Variants in MDGA2 observed in about 807,000 individuals in gnomAD.
The protein encoded by MDGA2 is MAM domain-containing glycosylphosphatidylinositol anchor protein 2.
MDGA2 carries 40 observed loss-of-function variants against 117.8 expected under a neutral mutation model. The ratio of observed to expected loss-of-function variants is 0.34; its 90% CI spans 0.26 to 0.44. MDGA2 has a LOEUF of 0.44. MDGA2 is among the 20% of genes least tolerant of loss of function. The pLI, the probability that MDGA2 is intolerant of heterozygous loss-of-function variation, is 1.00. For synonymous variants in MDGA2, 452 were observed against 439.0 expected, an observed-to-expected ratio of 1.03 and a Z score of -0.37; for missense variants, 1,123 against 1,250.6, an observed-to-expected ratio of 0.90 and a Z score of 1.54.
intron 1 of MDGA2, among the ~76,000 whole-genome samples, chr14:47,586,164 C>T (rs1896321301): frequency 6.6e-6 from 1 of 151,946 alleles, no homozygotes. Context: ...TTCAATGATT[C>T]ATTTTAATTG....
intron 1 of MDGA2, among the ~76,000 whole-genome samples, chr14:47,573,749 A>G (rs1896063530): frequency 6.6e-6 from 1 of 152,214 alleles, no homozygotes; most frequent in Non-Finnish European, 1.5e-5. Context: ...AAAATCAGCT[A>G]AAAGCATATG....
intron 1 of MDGA2, among the ~76,000 whole-genome samples, chr14:47,651,784 G>A (rs1411998217): frequency 6.6e-6 from 1 of 152,118 alleles, no homozygotes; most frequent in Non-Finnish European, 1.5e-5. Flanking sequence ...CCAAATAAAG[G>A]TGACGATCTG....
intron 6 of MDGA2, among the ~76,000 whole-genome samples, chr14:47,067,113 C>T (rs1050780169): frequency 3.1e-4 from 47 of 152,142 alleles, no homozygotes; most frequent in African/African-American, 1.0e-3. Context: ...AAAACTCCAC[C>T]ACAAACAAAG....
chr14:46,931,043 C>T (rs1310909740), intron 9 of MDGA2, among the ~76,000 whole-genome samples: 68 of 151,698 alleles, frequency 4.5e-4, no homozygotes, highest in Admixed American at 3.4e-3. Flanking sequence ...GGTGAAACAT[C>T]GTCTCTACTA....
chr14:47,498,650 G>A (rs1894332881), intron 1 of MDGA2, among the ~76,000 whole-genome samples: 1 of 151,912 alleles, frequency 6.6e-6, no homozygotes, highest in Non-Finnish European at 1.5e-5. Flanking sequence ...AAAAAATAAT[G>A]GCATTACTTA....
chr14:47,261,790 G>T (rs566255556), intron 2 of MDGA2, among the ~76,000 whole-genome samples: 1 of 152,116 alleles, frequency 6.6e-6, no homozygotes, highest in African/African-American at 2.4e-5. Context: ...CTTGTCTTAT[G>T]AGCCCACCTG....
intron 8 of MDGA2, among the ~76,000 whole-genome samples, chr14:46,987,971 A>G (rs987639651): frequency 2.0e-5 from 3 of 151,644 alleles, no homozygotes; most frequent in Non-Finnish European, 4.4e-5. Flanking sequence ...TTTGCTGTAG[A>G]AGTATGTTAC....
At chr14:47,180,502 A>G (rs1884655766) in intron 3 of MDGA2, among the ~76,000 whole-genome samples, 1 of 152,172 alleles carries the variant, frequency 6.6e-6, no homozygotes, top group South Asian at 2.1e-4. Flanking sequence ...CAAATTTGCA[A>G]GGAAAAACCC....
At chr14:47,101,799 C>T (rs1880339646) in intron 5 of MDGA2, among the ~76,000 whole-genome samples, 1 of 152,014 alleles carries the variant, frequency 6.6e-6, no homozygotes, top group Admixed American at 6.6e-5. Flanking sequence ...GAGGTTATGG[C>T]AGAATAAAGA....
intron 5 of MDGA2, among the ~76,000 whole-genome samples, chr14:47,119,051 TC>T (rs1424846612): frequency 1.9e-5 from 2 of 106,200 alleles, no homozygotes; most frequent in African/African-American, 7.3e-5. Context: ...CTACATATTC[TC>T]TTTTTTTTTT....
intron 1 of MDGA2, among the ~76,000 whole-genome samples, chr14:47,436,380 A>G (rs564864384): frequency 6.6e-6 from 1 of 152,240 alleles, no homozygotes; most frequent in East Asian, 1.9e-4. Flanking sequence ...TGTTACATGT[A>G]GCTAGTCTTT....
chr14:47,631,920 AT>A (rs1364547320), intron 1 of MDGA2, among the ~76,000 whole-genome samples: 3 of 145,010 alleles, frequency 2.1e-5, no homozygotes, highest in East Asian at 1.9e-4. Context: ...ACATTACGAG[AT>A]TTTTTTAAGT....
At chr14:47,590,070 T>TTG (rs538777324) in intron 1 of MDGA2, among the ~76,000 whole-genome samples, 1 of 151,350 alleles carries the variant, frequency 6.6e-6, no homozygotes. Flanking sequence ...GTGTGTGTAT[T>TTG]TGTGTGTGTG....
intron 8 of MDGA2, among the ~76,000 whole-genome samples, chr14:46,960,953 C>CAT (rs1885784444): frequency 1.2e-5 from 1 of 86,540 alleles, no homozygotes; most frequent in African/African-American, 5.7e-5. Flanking sequence ...TATATATACA[C>CAT]ACACACACAC....
intron 1 of MDGA2, among the ~76,000 whole-genome samples, chr14:47,468,266 T>C: frequency 6.6e-6 from 1 of 152,170 alleles, no homozygotes; most frequent in Non-Finnish European, 1.5e-5. Context: ...AAAAAATGTC[T>C]CAAAGAAAGA....
At chr14:47,641,950 AATCTGCAG>A (rs943984785) in intron 1 of MDGA2, among the ~76,000 whole-genome samples, 3 of 152,114 alleles carry the variant, frequency 2.0e-5, no homozygotes, top group African/African-American at 4.8e-5. Context: ...GAATCAGTAC[AATCTGCAG>A]ATGAAAATAA....
intron 10 of MDGA2, among the ~76,000 whole-genome samples, chr14:46,914,374 AATT>A (rs1351668934): frequency 6.6e-6 from 1 of 152,116 alleles, no homozygotes; most frequent in African/African-American, 2.4e-5. Context: ...TCCACAAATT[AATT>A]TTTTAGCTTC....
At chr14:47,337,780 A>C (rs1890504982) in intron 1 of MDGA2, among the ~76,000 whole-genome samples, 1 of 152,076 alleles carries the variant, frequency 6.6e-6, no homozygotes, top group Non-Finnish European at 1.5e-5. Context: ...TTAGAATTAT[A>C]CAGTATTCAA....
intron 8 of MDGA2, among the ~76,000 whole-genome samples, chr14:46,970,560 CTT>C (rs773288978): frequency 6.6e-5 from 10 of 152,030 alleles, no homozygotes; most frequent in Admixed American, 2.0e-4. Flanking sequence ...GGAATAAAGA[CTT>C]ATATGTAAAA....
Sources: allele counts gnomAD v4.1 joint callset (sites outside exome capture counted in the v4.1 genomes callset), GRCh38; gene constraint gnomAD v4.1.1; transcripts MANE v1.5; gene names NCBI Gene and HGNC (gene_info 2026-07-23, HGNC 2026-07-21).